Variants in POU2F1 observed in about 807,000 individuals in gnomAD.
POU2F1 encodes the protein POU domain, class 2, transcription factor 1.
POU2F1 carries 16 observed loss-of-function variants against 84.9 expected under a neutral mutation model. The ratio of observed to expected loss-of-function variants is 0.19; its 90% confidence interval spans 0.13 to 0.29. The LOEUF is 0.29. POU2F1 is among the 10% of genes least tolerant of loss of function. The probability of loss-of-function intolerance (pLI) is 1.00; values close to 1 mark genes in which losing one functional copy is unlikely to be tolerated. For missense variants in POU2F1, 738 were observed against 942.6 expected (o/e 0.78, Z 2.84); for synonymous variants, 368 against 368.3 (o/e 1.00, Z 0.01).
chr1:167,334,935 C>G (rs986644526), intron 2 of POU2F1, among the ~76,000 whole-genome samples: 1 of 151,064 alleles, frequency 6.6e-6, no homozygotes. Context: ...TTGTGTAGAT[C>G]ATTTTTTCCT....
intron 8 of POU2F1, among the ~76,000 whole-genome samples, chr1:167,388,505 A>C (rs550279381): frequency 6.6e-6 from 1 of 152,214 alleles, no homozygotes; most frequent in South Asian, 2.1e-4. Flanking sequence ...TGTGTTATCT[A>C]TGTTAGTGAA....
intron 1 of POU2F1, among the ~76,000 whole-genome samples, chr1:167,310,362 C>G (rs151323431): frequency 4.7e-4 from 72 of 151,982 alleles, no homozygotes; most frequent in African/African-American, 1.6e-3. Context: ...TTAAACAAAC[C>G]TCTACTCAGA....
chr1:167,336,802 G>A (rs1203879097), intron 2 of POU2F1, among the ~76,000 whole-genome samples: 1 of 152,138 alleles, frequency 6.6e-6, no homozygotes, highest in Non-Finnish European at 1.5e-5. Flanking sequence ...GTTGAGGTGG[G>A]CAGATTGCTT....
chr1:167,272,507 A>G (rs1243384358), intron 1 of POU2F1, among the ~76,000 whole-genome samples: 6 of 152,092 alleles, frequency 3.9e-5, no homozygotes, highest in Non-Finnish European at 8.8e-5. Flanking sequence ...TCACAGTTCC[A>G]CAGGCTGTAC....
At chr1:167,360,070 T>C (rs937639817) in intron 2 of POU2F1, among the ~76,000 whole-genome samples, 1 of 152,022 alleles carries the variant, frequency 6.6e-6, no homozygotes, top group Non-Finnish European at 1.5e-5. Flanking sequence ...TGGATATTAG[T>C]CCTTTTTTGG....
chr1:167,312,379 C>T (rs1438492339), intron 1 of POU2F1, among the ~76,000 whole-genome samples: 2 of 151,958 alleles, frequency 1.3e-5, no homozygotes, highest in East Asian at 1.9e-4. Context: ...TGTGCCACCA[C>T]GCCCAGCTAA....
At chr1:167,284,400 T>C (rs1033973151) in intron 1 of POU2F1, among the ~76,000 whole-genome samples, 20 of 152,228 alleles carry the variant, frequency 1.3e-4, no homozygotes, top group African/African-American at 4.3e-4. Flanking sequence ...TGGTTTTTTA[T>C]ATAATAAGAG....
intron 1 of POU2F1, among the ~76,000 whole-genome samples, chr1:167,267,751 C>T (rs1652080133): frequency 6.9e-6 from 1 of 145,698 alleles, no homozygotes; most frequent in African/African-American, 2.5e-5. Context: ...ATGCCATTCT[C>T]CTGCTTCAGC....
At chr1:167,269,977 CGTT>C (rs1232614327) in intron 1 of POU2F1, among the ~76,000 whole-genome samples, 2 of 149,688 alleles carry the variant, frequency 1.3e-5, no homozygotes, top group Non-Finnish European at 3.0e-5. Context: ...TTTTTTCTGA[CGTT>C]GAGCTAATGG....
intron 1 of POU2F1, among the ~76,000 whole-genome samples, chr1:167,279,830 A>T (rs1334399531): frequency 6.6e-6 from 1 of 152,192 alleles, no homozygotes; most frequent in Non-Finnish European, 1.5e-5. Context: ...ACTTGTCTAG[A>T]TTGAGAAAAA....
intron 3 of POU2F1, among the ~76,000 whole-genome samples, chr1:167,366,092 C>T (rs1659669733): frequency 6.6e-6 from 1 of 152,060 alleles, no homozygotes; most frequent in South Asian, 2.1e-4. Flanking sequence ...CATTTTTTTC[C>T]CTGGGTCTAA....
At chr1:167,250,957 A>G (rs1650685383) in intron 1 of POU2F1, among the ~76,000 whole-genome samples, 1 of 152,212 alleles carries the variant, frequency 6.6e-6, no homozygotes, top group South Asian at 2.1e-4. Flanking sequence ...TTAAGACATT[A>G]TTTTAGTAGT....
chr1:167,314,073 C>T (rs1324024410), intron 1 of POU2F1, among the ~76,000 whole-genome samples: 1 of 151,970 alleles, frequency 6.6e-6, no homozygotes, highest in African/African-American at 2.4e-5. Context: ...GTGGCATGCA[C>T]CTGTAATCCC....
At chr1:167,319,228 G>A (rs1414156727) in intron 1 of POU2F1, among the ~76,000 whole-genome samples, 1 of 152,094 alleles carries the variant, frequency 6.6e-6, no homozygotes, top group African/African-American at 2.4e-5. Flanking sequence ...TAGGCTGCTG[G>A]TTTTGGCCTG....
intron 1 of POU2F1, among the ~76,000 whole-genome samples, chr1:167,242,500 C>T (rs962424120): frequency 2.0e-5 from 3 of 152,150 alleles, no homozygotes; most frequent in Non-Finnish European, 4.4e-5. Context: ...ACCATGGTGA[C>T]GCATTGAAGC....
chr1:167,276,298 T>C (rs960921816), intron 1 of POU2F1, among the ~76,000 whole-genome samples: 10 of 152,218 alleles, frequency 6.6e-5, no homozygotes, highest in Non-Finnish European at 1.3e-4. Context: ...CTGATCATTG[T>C]ATTGCAGTGC....
intron 1 of POU2F1, among the ~76,000 whole-genome samples, chr1:167,233,347 C>T (rs930321858): frequency 3.3e-5 from 5 of 151,550 alleles, no homozygotes; most frequent in African/African-American, 7.3e-5. Context: ...CTTGTTGCCC[C>T]GGCTGGTCTT....
At chr1:167,359,291 T>G (rs1659193919) in intron 2 of POU2F1, among the ~76,000 whole-genome samples, 1 of 152,184 alleles carries the variant, frequency 6.6e-6, no homozygotes, top group South Asian at 2.1e-4. Context: ...TTCTAATGAT[T>G]CTGTCACCCA....
chr1:167,307,474 A>C (rs1655153722), intron 1 of POU2F1, among the ~76,000 whole-genome samples: 1 of 152,044 alleles, frequency 6.6e-6, no homozygotes, highest in South Asian at 2.1e-4. Context: ...ATAACCAAAA[A>C]AAAAAAAAAA....
Sources: allele counts gnomAD v4.1 joint callset (sites outside exome capture counted in the v4.1 genomes callset), GRCh38; gene constraint gnomAD v4.1.1; transcripts MANE v1.5; gene names NCBI Gene and HGNC (gene_info 2026-07-23, HGNC 2026-07-21).